Variants in CDH12 observed in about 807,000 individuals in gnomAD.
CDH12 encodes the protein cadherin-12.
A neutral mutation model predicts 74.1 loss-of-function variants in CDH12; 41 were observed. The observed-to-expected ratio is 0.55, with a 90% CI of 0.43 to 0.72. The LOEUF (loss-of-function observed/expected upper bound fraction) is 0.72, where lower values mean the gene tolerates loss of function less well. CDH12 is among the 30% of genes least tolerant of loss of function. The pLI is 0.00. For synonymous variants in CDH12, 399 were observed against 355.0 expected, an observed-to-expected ratio of 1.12 and a Z score of -1.39; for missense variants, 945 against 977.2, an observed-to-expected ratio of 0.97 and a Z score of 0.44.
intron 1 of CDH12, among the ~76,000 whole-genome samples, chr5:22,621,382 A>C (rs1261408617): frequency 6.6e-6 from 1 of 152,170 alleles, no homozygotes; most frequent in Non-Finnish European, 1.5e-5. Context: ...GCCTAGCAAG[A>C]ACAATATTCA....
chr5:22,470,462 A>C (rs568397807), intron 2 of CDH12, among the ~76,000 whole-genome samples: 3 of 151,066 alleles, frequency 2.0e-5, no homozygotes, highest in South Asian at 2.1e-4. Flanking sequence ...TTTGTTGCTC[A>C]GGCTGGAAAA....
chr5:21,998,510 C>A (rs1331070291), intron 5 of CDH12, among the ~76,000 whole-genome samples: 4 of 152,038 alleles, frequency 2.6e-5, no homozygotes, highest in Non-Finnish European at 5.9e-5. Context: ...AAAATGAGAA[C>A]TAATCCTTTT....
intron 4 of CDH12, among the ~76,000 whole-genome samples, chr5:22,106,001 G>A (rs543555539): frequency 6.6e-6 from 1 of 152,228 alleles, no homozygotes; most frequent in South Asian, 2.1e-4. Context: ...GTTGGTATAT[G>A]TCCTATGATT....
intron 6 of CDH12, among the ~76,000 whole-genome samples, chr5:21,952,037 T>C (rs1375228812): frequency 6.6e-6 from 1 of 152,208 alleles, no homozygotes; most frequent in African/African-American, 2.4e-5. Context: ...GATTTCATTA[T>C]TATTATTCTA....
chr5:22,571,285 A>G (rs1347985760), intron 1 of CDH12, among the ~76,000 whole-genome samples: 2 of 151,832 alleles, frequency 1.3e-5, no homozygotes, highest in African/African-American at 4.8e-5. Flanking sequence ...GTCTATCTCA[A>G]CTTTTGTCAT....
At chr5:22,292,938 T>C (rs1024982914) in intron 3 of CDH12, among the ~76,000 whole-genome samples, 7 of 152,132 alleles carry the variant, frequency 4.6e-5, no homozygotes, top group African/African-American at 1.7e-4. Flanking sequence ...CTAATTATGG[T>C]AAACAAGCTT....
At chr5:22,774,965 G>A (rs1747010908) in intron 1 of CDH12, among the ~76,000 whole-genome samples, 1 of 151,800 alleles carries the variant, frequency 6.6e-6, no homozygotes, top group South Asian at 2.1e-4. Context: ...ACCTGCATAT[G>A]TACCTCCTGG....
chr5:22,401,335 T>C (rs1742721737), intron 3 of CDH12, among the ~76,000 whole-genome samples: 1 of 152,194 alleles, frequency 6.6e-6, no homozygotes, highest in South Asian at 2.1e-4. Context: ...GTACCTACTT[T>C]TTATTTCTAT....
intron 1 of CDH12, among the ~76,000 whole-genome samples, chr5:22,514,329 G>A (rs1736723396): frequency 6.6e-6 from 1 of 152,006 alleles, no homozygotes; most frequent in South Asian, 2.1e-4. Context: ...ATTTTTAAGT[G>A]AATGGTTGAA....
At chr5:22,173,947 G>T (rs1304839111) in intron 4 of CDH12, among the ~76,000 whole-genome samples, 1 of 151,914 alleles carries the variant, frequency 6.6e-6, no homozygotes, top group African/African-American at 2.4e-5. Flanking sequence ...TCCCAAACAT[G>T]TTTGGCCAGG....
intron 3 of CDH12, among the ~76,000 whole-genome samples, chr5:22,350,517 G>C (rs1740315708): frequency 1.3e-5 from 2 of 152,134 alleles, no homozygotes; most frequent in African/African-American, 4.8e-5. Context: ...AGATAGTCCA[G>C]TGGTACTTTT....
chr5:22,265,482 A>G (rs1753671390), intron 3 of CDH12, among the ~76,000 whole-genome samples: 1 of 152,164 alleles, frequency 6.6e-6, no homozygotes, highest in African/African-American at 2.4e-5. Flanking sequence ...TTAAAGAGAA[A>G]GGTTCTGCTC....
intron 4 of CDH12, among the ~76,000 whole-genome samples, chr5:22,150,976 C>T (rs772826435): frequency 1.1e-4 from 16 of 152,098 alleles, no homozygotes; most frequent in Non-Finnish European, 1.9e-4. Flanking sequence ...GTAGTCTTGG[C>T]CTTAGCTGAG....
chr5:22,801,492 T>C (rs1019580212), intron 1 of CDH12, among the ~76,000 whole-genome samples: 1 of 151,876 alleles, frequency 6.6e-6, no homozygotes, highest in African/African-American at 2.4e-5. Context: ...TTTTCAATTA[T>C]CTTTCGTTTC....
At chr5:22,009,650 C>T (rs1347607700) in intron 5 of CDH12, among the ~76,000 whole-genome samples, 7 of 152,060 alleles carry the variant, frequency 4.6e-5, no homozygotes, top group African/African-American at 1.7e-4. Flanking sequence ...TTAATTTTGA[C>T]ATTTTTATTT....
chr5:22,630,655 A>G (rs1473809958), intron 1 of CDH12, among the ~76,000 whole-genome samples: 2 of 152,100 alleles, frequency 1.3e-5, no homozygotes, highest in African/African-American at 2.4e-5. Flanking sequence ...GACAGGTTAA[A>G]AAACTTAAAA....
At chr5:22,345,576 C>A (rs1486794445) in intron 3 of CDH12, among the ~76,000 whole-genome samples, 3 of 152,082 alleles carry the variant, frequency 2.0e-5, no homozygotes, top group African/African-American at 7.2e-5. Flanking sequence ...TAGTTTGGTG[C>A]AAAAGTAATT....
chr5:22,682,614 A>G (rs1376531854), intron 1 of CDH12, among the ~76,000 whole-genome samples: 1 of 152,046 alleles, frequency 6.6e-6, no homozygotes, highest in Non-Finnish European at 1.5e-5. Context: ...AACTCCAAAG[A>G]AATATTTTTT....
chr5:22,726,749 C>T (rs986621661), intron 1 of CDH12, among the ~76,000 whole-genome samples: 3 of 151,774 alleles, frequency 2.0e-5, no homozygotes, highest in Non-Finnish European at 3.0e-5. Flanking sequence ...TGAACCTGTT[C>T]TTGAAAAGCC....
Sources: gnomAD v4.1 joint callset for allele counts (sites outside exome capture counted in the v4.1 genomes callset) on GRCh38, gnomAD v4.1.1 for gene constraint, MANE v1.5 for transcripts, NCBI Gene and HGNC (gene_info 2026-07-23, HGNC 2026-07-21) for gene names.